ZMAT4: variants seen among roughly 807,000 people sequenced by gnomAD.
ZMAT4 encodes the protein zinc finger matrin-type 4, also known as zinc finger matrin-type protein 4.
A neutral mutation model predicts 28.7 loss-of-function variants in ZMAT4; 17 were observed. The observed-to-expected ratio is 0.59, with a 90% CI of 0.41 to 0.89. The LOEUF (loss-of-function observed/expected upper bound fraction) is 0.89, where lower values mean the gene tolerates loss of function less well. Ranked by LOEUF, ZMAT4 falls within the 40% of genes least tolerant of loss-of-function variation. The probability of loss-of-function intolerance (pLI) is 0.00; values close to 1 mark genes in which losing one functional copy is unlikely to be tolerated. For missense variants in ZMAT4, 240 were observed against 283.8 expected, an observed-to-expected ratio of 0.85 and a Z score of 1.11; for synonymous variants, 117 against 109.2, an observed-to-expected ratio of 1.07 and a Z score of -0.44.
intron 5 of ZMAT4, among the ~76,000 whole-genome samples, chr8:40,625,074 G>A (rs1399775833): frequency 1.3e-5 from 2 of 152,184 alleles, no homozygotes; most frequent in Non-Finnish European, 2.9e-5. Context: ...GTTGCAACCT[G>A]AACAATGAGC....
At chr8:40,584,677 G>C (rs186018188) in intron 5 of ZMAT4, among the ~76,000 whole-genome samples, 1 of 151,986 alleles carries the variant, frequency 6.6e-6, no homozygotes, top group Non-Finnish European at 1.5e-5. Context: ...CTGTCACCCA[G>C]GCTGGAGTGC....
chr8:40,768,604 A>T (rs1029621183), intron 2 of ZMAT4, among the ~76,000 whole-genome samples: 2 of 152,140 alleles, frequency 1.3e-5, no homozygotes, highest in African/African-American at 4.8e-5. Context: ...TAGCTGTGTG[A>T]TATTAGGCCA....
intron 2 of ZMAT4, among the ~76,000 whole-genome samples, chr8:40,803,114 A>G (rs1266231494): frequency 6.6e-6 from 1 of 152,210 alleles, no homozygotes; most frequent in East Asian, 1.9e-4. Context: ...TACAACTATG[A>G]AATTTCTAGA....
Position 40,558,458 on chromosome 8 carries a change from A to G in ZMAT4, c.674+22707T>C, listed in dbSNP as rs567291449. On this transcript the variant is annotated intron_variant, in intron 6 of 6. Coordinates refer to ENST00000297737, the MANE Select transcript of ZMAT4 (RefSeq NM_024645.3). ...GCAGGGGAAAGGGAGAAAAGGGGGC[A>G]GATTTGAGGCGTGTGGAGGTGGAGT... 7.2e-5 allele frequency among the ~76,000 whole-genome samples: 11 copies of G among 152,196 alleles called. No individual in the cohort carries two copies. The South Asian group carries it at 2.1e-3, about 29-fold the overall frequency.
At chr8:40,662,181 A>C (rs1025568277) in intron 5 of ZMAT4, among the ~76,000 whole-genome samples, 1 of 151,742 alleles carries the variant, frequency 6.6e-6, no homozygotes, top group African/African-American at 2.4e-5. Flanking sequence ...GGGCTTTACT[A>C]TGTTGCCCAG....
At chr8:40,570,106 C>T (rs1452877695) in intron 6 of ZMAT4, among the ~76,000 whole-genome samples, 1 of 152,110 alleles carries the variant, frequency 6.6e-6, no homozygotes, top group African/African-American at 2.4e-5. Context: ...CTCTCAAAAA[C>T]ATTATGTTGA....
intron 6 of ZMAT4, among the ~76,000 whole-genome samples, chr8:40,551,458 G>A (rs1337164540): frequency 6.6e-6 from 1 of 152,138 alleles, no homozygotes; most frequent in Non-Finnish European, 1.5e-5. Flanking sequence ...TTGCAATTGT[G>A]TTATGCTTGA....
At chr8:40,738,114 G>A (rs60311345) in intron 3 of ZMAT4, among the ~76,000 whole-genome samples, 18,805 of 152,134 alleles carry the variant, frequency 0.12, 1,647 homozygotes, top group East Asian at 0.38. Flanking sequence ...TCAGGAGTTG[G>A]AGAATTAGAC....
At chr8:40,546,300 C>CAA (rs991474050) in intron 6 of ZMAT4, among the ~76,000 whole-genome samples, 6 of 66,788 alleles carry the variant, frequency 9.0e-5, no homozygotes, top group African/African-American at 1.1e-4. Context: ...ATCACTTGAA[C>CAA]AAAAAAAAAA....
In ZMAT4 at chr8:40,808,246, C is replaced by A. The variant is rs1426509397; in HGVS notation, c.102+17329G>T. 2.9e-5 allele frequency among the ~76,000 whole-genome samples: 4 copies of A among 135,814 alleles called. No homozygotes were observed. In the East Asian group the frequency reaches 8.3e-4, roughly 28 times the overall value. 89.1% of individuals were successfully genotyped at this position (135,814 alleles called of 152,430 possible). On this transcript the variant is annotated intron_variant, in intron 2 of 6. Transcript: ENST00000297737. ...ACACTATAATACTTTCCTTTCCCTTCATTTAAGAAAATAATTTTTTTTCTT... is the reference window on the plus strand; with the variant it reads ...ACACTATAATACTTTCCTTTCCCTTAATTTAAGAAAATAATTTTTTTTCTT...
intron 5 of ZMAT4, among the ~76,000 whole-genome samples, chr8:40,584,559 A>T (rs954951881): frequency 2.0e-4 from 31 of 152,210 alleles, no homozygotes; most frequent in African/African-American, 7.5e-4. Context: ...AACTTGCCCT[A>T]GTTTCTATCT....
At chr8:40,578,095 A>G (rs1804329280) in intron 6 of ZMAT4, among the ~76,000 whole-genome samples, 1 of 152,108 alleles carries the variant, frequency 6.6e-6, no homozygotes, top group African/African-American at 2.4e-5. Flanking sequence ...ATAAGAAGAT[A>G]CAATTAGAAG....
intron 3 of ZMAT4, among the ~76,000 whole-genome samples, chr8:40,749,564 A>G (rs1812373430): frequency 6.6e-6 from 1 of 152,158 alleles, no homozygotes. Flanking sequence ...GGCACCTGGG[A>G]AAAAAGAACA....
chr8:40,859,498 G>A (rs1817416041), intron 1 of ZMAT4, among the ~76,000 whole-genome samples: 1 of 152,012 alleles, frequency 6.6e-6, no homozygotes, highest in Non-Finnish European at 1.5e-5. Flanking sequence ...ACCCCTTAAG[G>A]ATTCTGAGTT....
At chr8:40,650,900 T>G (rs1439005335) in intron 5 of ZMAT4, among the ~76,000 whole-genome samples, 3 of 151,952 alleles carry the variant, frequency 2.0e-5, no homozygotes, top group Non-Finnish European at 2.9e-5. Flanking sequence ...AAACTCTCAA[T>G]AAATTAGGTA....
At chr8:40,742,581 A>G (rs2150536060) in intron 3 of ZMAT4, among the ~76,000 whole-genome samples, 1 of 152,264 alleles carries the variant, frequency 6.6e-6, no homozygotes, top group Middle Eastern at 3.4e-3. Context: ...GCAGAAATGT[A>G]CAAACTGATT....
chr8:40,897,657 C>A (rs1308407637), intron 1 of ZMAT4, 26 bp downstream of exon 1: 3 of 152,296 alleles, frequency 2.0e-5, no homozygotes, highest in Non-Finnish European at 4.4e-5. Context: ...GCAGGCGCTG[C>A]ACCCCCGGGA....
intron 3 of ZMAT4, among the ~76,000 whole-genome samples, chr8:40,718,433 C>T (rs1177161554): frequency 6.6e-6 from 1 of 152,192 alleles, no homozygotes; most frequent in Non-Finnish European, 1.5e-5. Context: ...CCAGTTTGTT[C>T]TGTGGGAAAC....
intron 2 of ZMAT4, among the ~76,000 whole-genome samples, chr8:40,814,993 G>A (rs1157490002): frequency 6.6e-6 from 1 of 152,040 alleles, no homozygotes; most frequent in Non-Finnish European, 1.5e-5. Context: ...AAACAGGAGA[G>A]GCCAGGCTTG....
Sources: gnomAD v4.1 joint callset for allele counts (sites outside exome capture counted in the v4.1 genomes callset) on GRCh38, gnomAD v4.1.1 for gene constraint, MANE v1.5 for transcripts, NCBI Gene and HGNC (gene_info 2026-07-23, HGNC 2026-07-21) for gene names.